The following MLIP variants were observed in gnomAD, a reference collection of about 807,000 sequenced individuals.
The protein encoded by MLIP is muscular LMNA-interacting protein.
MLIP carries 79 observed loss-of-function variants against 84.8 expected under a neutral mutation model. The observed-to-expected ratio is 0.93, with a 90% confidence interval of 0.78 to 1.12. The LOEUF is 1.12. MLIP is among the 50% of genes most tolerant of loss of function. The pLI is 0.00. For synonymous variants in MLIP, 504 were observed against 463.0 expected (o/e 1.09, Z -1.14); for missense variants, 1,257 against 1,160.6 (o/e 1.08, Z -1.21).
intron 5 of MLIP, among the ~76,000 whole-genome samples, chr6:54,153,834 AGAG>A (rs1773724818): frequency 3.6e-5 from 5 of 140,468 alleles, no homozygotes; most frequent in African/African-American, 1.1e-4. Context: ...CCTGGGTGAC[AGAG>A]TGAGACTCAG....
chr6:54,165,945 C>G (rs1220777146), intron 8 of MLIP, among the ~76,000 whole-genome samples: 1 of 151,878 alleles, frequency 6.6e-6, no homozygotes, highest in Non-Finnish European at 1.5e-5. Flanking sequence ...TAAAGACATG[C>G]AAGATGGCAC....
At chr6:54,131,740 G>A (rs1002187758) in intron 3 of MLIP, among the ~76,000 whole-genome samples, 6 of 152,250 alleles carry the variant, frequency 3.9e-5, no homozygotes, top group African/African-American at 7.2e-5. Context: ...GTATATATTC[G>A]TTTTTGTCAG....
chr6:54,140,806 T>C (rs1160225136), intron 4 of MLIP, among the ~76,000 whole-genome samples: 1 of 152,194 alleles, frequency 6.6e-6, no homozygotes, highest in Non-Finnish European at 1.5e-5. Context: ...AGTGTTTAAA[T>C]TGGTAACATT....
chr6:54,020,524 C>T (rs933950963), intron 1 of MLIP, among the ~76,000 whole-genome samples: 3 of 151,970 alleles, frequency 2.0e-5, no homozygotes, highest in Admixed American at 1.3e-4. Context: ...GAAATTTGAC[C>T]CTGAGCTTCC....
chr6:54,095,673 G>T (rs976331058), intron 1 of MLIP, among the ~76,000 whole-genome samples: 1 of 152,118 alleles, frequency 6.6e-6, no homozygotes, highest in Non-Finnish European at 1.5e-5. Context: ...GGGGAAGAGA[G>T]AAATTATTTA....
At chr6:54,258,910 T>C (rs1783201657) in intron 13 of MLIP, among the ~76,000 whole-genome samples, 1 of 151,970 alleles carries the variant, frequency 6.6e-6, no homozygotes, top group Admixed American at 6.6e-5. Flanking sequence ...GTCTGGTATC[T>C]AAATTAATCT....
At chr6:54,131,706 C>T (rs1046128169) in intron 3 of MLIP, among the ~76,000 whole-genome samples, 1 of 152,254 alleles carries the variant, frequency 6.6e-6, no homozygotes, top group Non-Finnish European at 1.5e-5. Context: ...AATATAGGAT[C>T]AAGAAAGAGC....
chr6:54,182,166 TTTCCAAGAGAGTCAAC>T (rs1400402712), intron 9 of MLIP, among the ~76,000 whole-genome samples: 1 of 152,178 alleles, frequency 6.6e-6, no homozygotes, highest in Non-Finnish European at 1.5e-5. Context: ...GTGGTGAGCC[TTTCCAAGAGAGTCAAC>T]TTCCAGCTGC....
At chr6:54,031,688 G>A (rs578018170) in intron 1 of MLIP, 3 of 152,318 alleles carry the variant, frequency 2.0e-5, no homozygotes, top group South Asian at 2.1e-4. Context: ...GAGCTTTTCA[G>A]GAAGGGACTT....
At chr6:54,096,104 T>G (rs1271066525) in intron 1 of MLIP, among the ~76,000 whole-genome samples, 1 of 152,172 alleles carries the variant, frequency 6.6e-6, no homozygotes, top group East Asian at 1.9e-4. Flanking sequence ...TTGAAAAGAT[T>G]TGTTCTTACA....
At chr6:54,106,464 T>A (rs1769025601), upstream of MLIP, among the ~76,000 whole-genome samples, 1 of 151,982 alleles carries the variant, frequency 6.6e-6, no homozygotes, top group Non-Finnish European at 1.5e-5. Context: ...GAAAGACCAA[T>A]TAGGAGGCAA....
intron 1 of MLIP, among the ~76,000 whole-genome samples, chr6:54,037,954 G>A (rs986394010): frequency 3.3e-5 from 5 of 151,804 alleles, no homozygotes; most frequent in Non-Finnish European, 1.5e-5. Flanking sequence ...ATATTTTTGT[G>A]ATTTAATATG....
chr6:54,149,231 T>C, intron 5 of MLIP, 104 bp downstream of exon 5: 1 of 1,009,720 alleles, frequency 9.9e-7, no homozygotes, highest in Middle Eastern at 2.1e-4. Context: ...AGTTCTGCCT[T>C]TACTAAAATA....
chr6:54,047,012 A>C (rs1037130621), intron 1 of MLIP: 1 of 152,204 alleles, frequency 6.6e-6, no homozygotes, highest in African/African-American at 2.4e-5. Flanking sequence ...AGTTCACTGC[A>C]CTTGAGATTA....
chr6:54,265,124 G>C (rs1783612555), intron 13 of MLIP, among the ~76,000 whole-genome samples: 1 of 152,018 alleles, frequency 6.6e-6, no homozygotes, highest in Non-Finnish European at 1.5e-5. Context: ...TCCCATGTTA[G>C]TCATGAGTTG....
chr6:54,145,984 T>C (rs1342554925), intron 4 of MLIP, among the ~76,000 whole-genome samples: 1 of 152,114 alleles, frequency 6.6e-6, no homozygotes, highest in Non-Finnish European at 1.5e-5. Flanking sequence ...TTTCATGAAA[T>C]AATCTAAAAT....
intron 9 of MLIP, among the ~76,000 whole-genome samples, chr6:54,172,944 G>A (rs1775918553): frequency 6.6e-6 from 1 of 151,664 alleles, no homozygotes. Flanking sequence ...AAGTGTAATA[G>A]AATTGAAACT....
intron 12 of MLIP, among the ~76,000 whole-genome samples, chr6:54,247,537 T>C: frequency 6.6e-6 from 1 of 152,042 alleles, no homozygotes; most frequent in East Asian, 1.9e-4. Context: ...AAACACTGGG[T>C]GTACTGACAG....
chr6:54,063,814 G>A (rs193215132), intron 1 of MLIP, among the ~76,000 whole-genome samples: 52 of 151,686 alleles, frequency 3.4e-4, no homozygotes, highest in African/African-American at 1.2e-3. Flanking sequence ...ATTGCTCAAG[G>A]CACATATTTG....
Sources: gnomAD v4.1 joint callset for allele counts (sites outside exome capture counted in the v4.1 genomes callset) on GRCh38, gnomAD v4.1.1 for gene constraint, MANE v1.5 for transcripts, NCBI Gene and HGNC (gene_info 2026-07-23, HGNC 2026-07-21) for gene names.